The following STAM2 variants were observed in gnomAD, a reference collection of about 807,000 sequenced individuals.
The protein encoded by STAM2 is signal transducing adaptor molecule 2.
A neutral mutation model predicts 65.6 loss-of-function variants in STAM2; 51 were observed. That is an observed-to-expected ratio of 0.78 (90% CI 0.62 to 0.98). The LOEUF (loss-of-function observed/expected upper bound fraction) is 0.98. Ranked by LOEUF, STAM2 falls within the 50% of genes least tolerant of loss-of-function variation. STAM2 has a pLI of 0.00. For missense variants in STAM2, 584 were observed against 617.8 expected, an observed-to-expected ratio of 0.95 and a Z score of 0.58; for synonymous variants, 198 against 208.4, an observed-to-expected ratio of 0.95 and a Z score of 0.43.
intron 1 of STAM2, among the ~76,000 whole-genome samples, chr2:152,163,390 T>C (rs1317644560): frequency 6.6e-6 from 1 of 152,252 alleles, no homozygotes; most frequent in South Asian, 2.1e-4. Flanking sequence ...TTCTTAATCC[T>C]GTTATCTTCG....
chr2:152,140,333 A>G (rs895548214), intron 7 of STAM2, among the ~76,000 whole-genome samples: 1 of 152,252 alleles, frequency 6.6e-6, no homozygotes, highest in Admixed American at 6.5e-5. Flanking sequence ...CAAGGCACGA[A>G]CAAACAAAAA....
chr2:152,165,285 T>C (rs1412902441), intron 1 of STAM2, among the ~76,000 whole-genome samples: 1 of 151,730 alleles, frequency 6.6e-6, no homozygotes, highest in Non-Finnish European at 1.5e-5. Context: ...CAAAAAATTA[T>C]CTGGGCATGG....
intron 7 of STAM2, among the ~76,000 whole-genome samples, chr2:152,141,179 G>T (rs1194330989): frequency 6.6e-6 from 1 of 150,640 alleles, no homozygotes; most frequent in Non-Finnish European, 1.5e-5. Context: ...ACATGGAGTG[G>T]TAAGATAAAG....
intron 1 of STAM2, 132 bp downstream of exon 1, chr2:152,175,471 G>T: frequency 8.4e-7 from 1 of 1,190,466 alleles, no homozygotes; most frequent in Non-Finnish European, 1.2e-6. Flanking sequence ...TCGAAGGAGC[G>T]GGCGGCACCG....
At chr2:152,131,769 T>C (rs1028160633) in intron 11 of STAM2, 10 of 248,266 alleles carry the variant, frequency 4.0e-5, no homozygotes, top group Non-Finnish European at 7.0e-5. Flanking sequence ...ATCACTACAG[T>C]GGCAATGATG....
rs12165171 is a variant in STAM2, at chr2:152,143,339, A to G, written c.704+488T>C. On this transcript the variant is annotated intron_variant, in intron 7 of 13. Transcript: ENST00000263904. ...TGAATTTCTTTTAAAAGTACAGAACAGTATTAAGCTCTACAGAGATTGATC... is the reference window on the plus strand; with the variant it reads ...TGAATTTCTTTTAAAAGTACAGAACGGTATTAAGCTCTACAGAGATTGATC... Among the ~76,000 whole-genome samples, 586 of 152,350 alleles carry G rather than the reference A, an allele frequency of 3.8e-3. 4 individuals carry two copies. Among genetic ancestry groups the G allele is most frequent in the South Asian group, 0.014 (67 of 4,830 alleles).
rs757047906 is a variant in STAM2, at chr2:152,132,085, AC to A, written c.1025+28del. ...ACACAAGTGAACCCCCCAAAACTAT[AC>A]TTTTTATTCCTGCACGAAAAATCTC... On this transcript the variant is annotated intron_variant, in intron 11 of 13. Coordinates refer to ENST00000263904, the MANE Select transcript of STAM2 (RefSeq NM_005843.6). 9.8e-6 allele frequency: 15 copies of A among 1,537,802 alleles called. No homozygotes were observed. In the South Asian group the frequency reaches 1.7e-4, roughly 18 times the overall value.
chr2:152,155,276 G>A (rs2105555775), intron 1 of STAM2, among the ~76,000 whole-genome samples: 1 of 152,276 alleles, frequency 6.6e-6, no homozygotes, highest in South Asian at 2.1e-4. Context: ...GTGTAAGGTG[G>A]GAAACAACAG....
At chr2:152,128,295 T>C (rs1688999255) in intron 11 of STAM2, among the ~76,000 whole-genome samples, 1 of 151,718 alleles carries the variant, frequency 6.6e-6, no homozygotes, top group Non-Finnish European at 1.5e-5. Flanking sequence ...TAGTCCCAGC[T>C]ACACGGGAGG....
chr2:152,167,098 T>A (rs2105568152), intron 1 of STAM2, among the ~76,000 whole-genome samples: 1 of 152,356 alleles, frequency 6.6e-6, no homozygotes, highest in East Asian at 1.9e-4. Flanking sequence ...ATCATTTCCC[T>A]TCATGCTTTT....
At position 152,148,218 on chromosome 2, in the gene STAM2, T is replaced by C. The variant is rs762265780; in HGVS notation, c.201+7A>G. 1.9e-6 allele frequency: 3 copies of C among 1,608,258 alleles called. No homozygotes were observed. The East Asian group carries it at 6.7e-5, about 36-fold the overall frequency. Reference sequence around the variant, plus strand: ...TTGCGTCAAATAATAACATGCCTTGTACTCACAGTTAGTGCTTGCAGAGCA... The same window carrying C: ...TTGCGTCAAATAATAACATGCCTTGCACTCACAGTTAGTGCTTGCAGAGCA... On this transcript the variant is annotated splice_region_variant and intron_variant, in intron 3 of 13. Coordinates refer to ENST00000263904, the MANE Select transcript of STAM2 (RefSeq NM_005843.6).
chr2:152,118,947 C>T lies in STAM2; in HGVS notation c.*1627G>A, dbSNP rs1475084855. 1 of 151,870 alleles carries T rather than the reference C, an allele frequency of 6.6e-6. No homozygotes were observed. Among genetic ancestry groups the T allele is most frequent in the Non-Finnish European group, 1.5e-5 (1 of 67,916 alleles). 9.4% of individuals were successfully genotyped at this position (151,870 alleles called of 1,614,324 possible). On this transcript the variant is annotated 3_prime_UTR_variant, in exon 14 of 14. Coordinates refer to ENST00000263904, the MANE Select transcript of STAM2 (RefSeq NM_005843.6). Reference sequence around the variant, plus strand: ...TTCCACTTAAATGTAGATCAAGTACCATATAGACTATTTTGTTCTAGAATA... The same window carrying T: ...TTCCACTTAAATGTAGATCAAGTACTATATAGACTATTTTGTTCTAGAATA...
chr2:152,175,634 C>A lies in STAM2; in HGVS notation c.9G>T (p.Leu3Phe). MP[L>F]FTANPFEQDV... ...CTTGCTCGAAGGGGTTGGCGGTGAA[C>A]AAAGGCATCTCGCCGGCGCCCGAGC... Residue 3 changes from leucine (L) to phenylalanine (F), a missense_variant, in exon 1 of 14, where the codon TTG (leucine) becomes TTT (phenylalanine). By Grantham distance (22) the Leu-to-Phe change is conservative. Transcript: ENST00000263904. 6.2e-7 allele frequency: 1 copy of A among 1,613,776 alleles called. No homozygotes were observed. Among genetic ancestry groups the A allele is most frequent in the Non-Finnish European group, 8.5e-7 (1 of 1,179,868 alleles).
chr2:152,175,711 C>A lies in STAM2; in HGVS notation c.-69G>T. 1 of 1,545,530 alleles carries A rather than the reference C, an allele frequency of 6.5e-7. No individual in the cohort carries two copies. Among genetic ancestry groups the A allele is most frequent in the Non-Finnish European group, 8.8e-7 (1 of 1,140,388 alleles). Reference sequence around the variant, plus strand: ...TCAGCAACTGCTACCCGCCGGGTGACCCGCGGCCGCGGCTCCCTAGACCGC... The same window carrying A: ...TCAGCAACTGCTACCCGCCGGGTGAACCGCGGCCGCGGCTCCCTAGACCGC... On this transcript the variant is annotated 5_prime_UTR_variant, in exon 1 of 14. Coordinates refer to ENST00000263904, the MANE Select transcript of STAM2 (RefSeq NM_005843.6).
chr2:152,123,848 C>T lies in STAM2; in HGVS notation c.1267G>A (p.Asp423Asn), dbSNP rs199723430. 24 of 1,613,956 alleles carry T rather than the reference C, an allele frequency of 1.5e-5. No homozygotes were observed. In the African/African-American group the frequency reaches 2.0e-4, roughly 13 times the overall value. ...TVAQSYSLGP[D>N]QIGPLRSLPP... Reference sequence around the variant, plus strand: ...AGAGATCTCAGTGGACCAATTTGATCGGGTCCTAGGCTATAGCTTTGGGCA... The same window carrying T: ...AGAGATCTCAGTGGACCAATTTGATTGGGTCCTAGGCTATAGCTTTGGGCA... The change falls in exon 13 of 14, where the codon GAT (aspartate) becomes AAT (asparagine). Residue 423 changes from aspartate to asparagine, a missense_variant. Transcript: ENST00000263904.
chr2:152,166,327 TG>T (rs1408348607), intron 1 of STAM2, among the ~76,000 whole-genome samples: 4 of 150,472 alleles, frequency 2.7e-5, no homozygotes, highest in African/African-American at 4.9e-5. Context: ...AGAAGAGGAG[TG>T]GTCAGATTCA....
intron 1 of STAM2, among the ~76,000 whole-genome samples, chr2:152,159,800 C>T (rs1382058424): frequency 2.0e-5 from 3 of 152,254 alleles, no homozygotes; most frequent in Non-Finnish European, 4.4e-5. Flanking sequence ...ACTGTACTGC[C>T]GCCATCTCTG....
chr2:152,123,944 C>T lies in STAM2; in HGVS notation c.1180-9G>A, dbSNP rs1407098512. 3.1e-6 allele frequency: 5 copies of T among 1,608,718 alleles called. No homozygotes were observed. In the South Asian group the frequency reaches 5.6e-5, roughly 18 times the overall value. The stretch of plus-strand genomic sequence containing the variant: ...GATTGAACTGGATATGTCTATTAAT[C>T]AGAAAGAAAAAGTTGATTCACTCAT... On this transcript the variant is annotated splice_polypyrimidine_tract_variant and intron_variant, in intron 12 of 13. Coordinates refer to ENST00000263904, the MANE Select transcript of STAM2 (RefSeq NM_005843.6).
rs1431646511 is a variant in STAM2 at position 152,132,116 on chromosome 2, A to G, written c.1023T>C (p.Asp341=). ...PMIDEKLEEI[D]RKHSELSELN... is the part of the protein sequence containing the mutation. ...TATTCCTGCACGAAAAATCTCACCT[A>G]TCAATTTCTTCAAGTTTTTCATCTA... Residue 341 remains aspartate, a splice_region_variant and synonymous_variant, in exon 11 of 14, where the codon GAT becomes GAC. Transcript: ENST00000263904. The G allele has an allele frequency of 5.0e-6, 8 of 1,610,820 alleles. No individual in the cohort carries two copies. In the South Asian group the frequency reaches 8.8e-5, roughly 18 times the overall value.
Sources: gnomAD v4.1 joint callset for allele counts (sites outside exome capture counted in the v4.1 genomes callset) on GRCh38, gnomAD v4.1.1 for gene constraint, MANE v1.5 for transcripts, NCBI Gene and HGNC (gene_info 2026-07-23, HGNC 2026-07-21) for gene names.